Variants in CEP192 observed in about 807,000 individuals in gnomAD.
The protein encoded by CEP192 is centrosomal protein of 192 kDa.
In CEP192, 151 loss-of-function variants were observed where a neutral mutation model predicts 271.8. The observed-to-expected ratio is 0.56, with a 90% CI of 0.49 to 0.64. The LOEUF is 0.64. Ranked by LOEUF, CEP192 falls within the 30% of genes least tolerant of loss-of-function variation. CEP192 has a pLI of 0.00. For synonymous variants in CEP192, 995 were observed against 1,076.5 expected (o/e 0.92, Z 1.48); for missense variants, 2,910 against 3,020.5 (o/e 0.96, Z 0.86).
intron 17 of CEP192, 41 bp from the exon 18 acceptor site, chr18:13,052,878 G>T: frequency 7.0e-7 from 1 of 1,434,856 alleles, no homozygotes. Flanking sequence ...GATAGTTGAA[G>T]GACTGGAGAA....
chr18:13,064,372 A>T (rs1220141975), intron 21 of CEP192, among the ~76,000 whole-genome samples: 3 of 151,652 alleles, frequency 2.0e-5, no homozygotes, highest in African/African-American at 2.4e-5. Flanking sequence ...CAGCACTTTG[A>T]GAGGCCAAGG....
At chr18:13,063,093 G>A (rs898701960) in intron 21 of CEP192, among the ~76,000 whole-genome samples, 1 of 152,180 alleles carries the variant, frequency 6.6e-6, no homozygotes, top group African/African-American at 2.4e-5. Context: ...ACTCCATTGT[G>A]TATATGTACC....
At chr18:13,013,632 C>T (rs919978551) in intron 5 of CEP192, among the ~76,000 whole-genome samples, 1 of 151,984 alleles carries the variant, frequency 6.6e-6, no homozygotes, top group Non-Finnish European at 1.5e-5. Context: ...TGTATACATG[C>T]GCAGATAGAG....
chr18:13,067,892 C>A lies in CEP192; in HGVS notation c.4550C>A (p.Ala1517Asp). ...GACTTGACTTATGGAGGCTGGAAAG[C>A]CCTCCCACTAAAATTGATAAACCGA... The part of the protein sequence containing the change: ...FGDLTYGGWK[A>D]LPLKLINRTH... The change falls in exon 22 of 45, where the codon GCC (alanine) becomes GAC (aspartate). Residue 1517 changes from alanine (A) to aspartate (D), a missense_variant. Coordinates refer to ENST00000506447, the MANE Select transcript of CEP192 (RefSeq NM_032142.4). 1 of 1,612,220 alleles carries A rather than the reference C, an allele frequency of 6.2e-7. No homozygotes were observed.
chr18:13,067,004 T>C (rs1208821178), intron 21 of CEP192, among the ~76,000 whole-genome samples: 1 of 151,154 alleles, frequency 6.6e-6, no homozygotes, highest in Non-Finnish European at 1.5e-5. Flanking sequence ...TGTGTGCCTG[T>C]ATAATACAGT....
At chr18:13,107,883 CAAAA>C (rs58195253) in intron 40 of CEP192, among the ~76,000 whole-genome samples, 1 of 130,922 alleles carries the variant, frequency 7.6e-6, no homozygotes, top group Non-Finnish European at 1.7e-5. Context: ...ATAGTATCTC[CAAAA>C]AAAAAAAAAA....
intron 17 of CEP192, among the ~76,000 whole-genome samples, chr18:13,051,206 C>T (rs1403075031): frequency 6.6e-6 from 1 of 152,178 alleles, no homozygotes; most frequent in Admixed American, 6.5e-5. Context: ...TATGTCTTCC[C>T]TTTTATTTTG....
chr18:13,026,985 G>T (rs964042287), intron 9 of CEP192, among the ~76,000 whole-genome samples: 5 of 152,204 alleles, frequency 3.3e-5, no homozygotes, highest in Admixed American at 6.5e-5. Context: ...CCAAGTAAAA[G>T]AACTACTGTA....
intron 30 of CEP192, among the ~76,000 whole-genome samples, chr18:13,073,764 C>T (rs765159338): frequency 6.6e-6 from 1 of 152,222 alleles, no homozygotes; most frequent in African/African-American, 2.4e-5. Flanking sequence ...GCACCAAGCC[C>T]GTGCATGGGG....
intron 27 of CEP192, among the ~76,000 whole-genome samples, chr18:13,070,788 T>C (rs1249935949): frequency 2.6e-5 from 4 of 152,158 alleles, no homozygotes; most frequent in African/African-American, 7.2e-5. Flanking sequence ...TGGGAGACTT[T>C]CCTCCACTCC....
At chr18:13,037,876 A>G (rs1410856052) in intron 12 of CEP192, among the ~76,000 whole-genome samples, 2 of 152,004 alleles carry the variant, frequency 1.3e-5, no homozygotes, top group Admixed American at 6.6e-5. Flanking sequence ...GTTTTAAAAT[A>G]TGTTTTAAAG....
chr18:13,099,452 T>G, intron 36 of CEP192, 24 bp from the exon 37 acceptor site: 1 of 1,220,960 alleles, frequency 8.2e-7, no homozygotes, highest in Non-Finnish European at 1.2e-6. Flanking sequence ...CTCTTTTTAA[T>G]TTTCTTATTA....
rs1338723934 is a variant in CEP192, at chr18:13,040,898, T to A, written c.1878T>A (p.Asp626Glu). Reference sequence around the variant, plus strand: ...CTATTGCCTTAATAAGAAAATCTGATGTATCAAGAGGTAATTTGGAAAAAG... The same window carrying A: ...CTATTGCCTTAATAAGAAAATCTGAAGTATCAAGAGGTAATTTGGAAAAAG... Reference protein sequence around the residue: ...REPIALIRKSDVSRGNLEKEM... With the variant: ...REPIALIRKSEVSRGNLEKEM... The change falls in exon 14 of 45, where the codon GAT (aspartate) becomes GAA (glutamate). Residue 626 changes from aspartate to glutamate, a missense_variant. Coordinates refer to ENST00000506447, the MANE Select transcript of CEP192 (RefSeq NM_032142.4). 1.2e-6 allele frequency: 2 copies of A among 1,608,010 alleles called. No homozygotes were observed. Among genetic ancestry groups the A allele is most frequent in the Non-Finnish European group, 1.7e-6 (2 of 1,175,050 alleles).
chr18:13,071,132 TG>T lies in CEP192; in HGVS notation c.5270del (p.Gly1757AspfsTer4). ...CTTCAGGAAGTAAACCTCTGTCACCTGGACCTTGCTTAGATATTCCATCGAT... is the reference window on the plus strand; with the variant it reads ...CTTCAGGAAGTAAACCTCTGTCACCTGACCTTGCTTAGATATTCCATCGAT... The part of the protein sequence containing the change: ...ISSGSKPLSP[G>X]PCLDIPSILS... On this transcript the variant is annotated frameshift_variant, in exon 28 of 45. Transcript: ENST00000506447. LOFTEE classifies it high-confidence loss of function. 6.2e-7 allele frequency: 1 copy of T among 1,614,190 alleles called. No individual in the cohort carries two copies. The highest frequency in any genetic ancestry group is 8.5e-7 in the Non-Finnish European group (1 of 1,179,980).
At chr18:13,001,126 A>G (rs1444766309) in intron 2 of CEP192, among the ~76,000 whole-genome samples, 1 of 152,224 alleles carries the variant, frequency 6.6e-6, no homozygotes, top group Admixed American at 6.5e-5. Context: ...AAGTTTGCCT[A>G]TGCTTAAACT....
At chr18:13,058,976 A>T in intron 20 of CEP192, 106 bp from the exon 21 acceptor site, 1 of 733,078 alleles carries the variant, frequency 1.4e-6, no homozygotes, top group Non-Finnish European at 2.4e-6. Context: ...TAAATGTTTT[A>T]ATTTGGCAGT....
intron 42 of CEP192, 99 bp downstream of exon 42, chr18:13,114,350 T>G: frequency 1.6e-6 from 2 of 1,218,398 alleles, no homozygotes; most frequent in Non-Finnish European, 2.3e-6. Context: ...TTCACATGTG[T>G]TACCAGCACT....
rs2035556273 is a variant in CEP192, at chr18:13,030,489, T to G, written c.1415T>G (p.Val472Gly). 8.7e-6 allele frequency: 14 copies of G among 1,610,848 alleles called. No individual in the cohort carries two copies. Among genetic ancestry groups the G allele is most frequent in the Non-Finnish European group, 1.2e-5 (14 of 1,178,288 alleles). The change falls in exon 11 of 45, where the codon GTC (valine) becomes GGC (glycine). Residue 472 changes from valine (V) to glycine (G), a missense_variant. Transcript: ENST00000506447. ...GAAACAGATCTCCCACAGAGTGTGG[T>G]CTATCAAAATGAAGAGGGTAGGTGG... Reference protein sequence around the residue: ...KDKTDLPQSVVYQNEEGRWVT... With the variant: ...KDKTDLPQSVGYQNEEGRWVT...
At chr18:13,017,411 T>G in intron 7 of CEP192, 75 bp downstream of exon 7, 1 of 1,191,560 alleles carries the variant, frequency 8.4e-7, no homozygotes, top group African/African-American at 1.6e-5. Flanking sequence ...GATGTTCACA[T>G]GAAATGTAAG....
Sources: allele counts gnomAD v4.1 joint callset (sites outside exome capture counted in the v4.1 genomes callset), GRCh38; gene constraint gnomAD v4.1.1; transcripts MANE v1.5; gene names NCBI Gene and HGNC (gene_info 2026-07-23, HGNC 2026-07-21).